The following NOL10 variants were observed in gnomAD, a reference collection of about 807,000 sequenced individuals.
NOL10 encodes H_NH0074G24.1.
In NOL10, 58 loss-of-function variants were observed where a neutral mutation model predicts 103.5. That is an observed-to-expected ratio of 0.56 (90% CI 0.45 to 0.70). The LOEUF is 0.70. NOL10 is among the 30% of genes least tolerant of loss of function. NOL10 has a pLI of 0.00. For missense variants in NOL10, 763 were observed against 807.3 expected (o/e 0.95, Z 0.67); for synonymous variants, 287 against 282.5 (o/e 1.02, Z -0.16).
At chr2:10,689,229 G>A (rs549879443) in intron 1 of NOL10, among the ~76,000 whole-genome samples, 21 of 152,256 alleles carry the variant, frequency 1.4e-4, no homozygotes, top group African/African-American at 4.8e-4. Context: ...TACTAAACAC[G>A]AGAAGATTGG....
intron 8 of NOL10, among the ~76,000 whole-genome samples, chr2:10,666,353 A>AT (rs900943772): frequency 1.3e-3 from 197 of 148,484 alleles, no homozygotes; most frequent in African/African-American, 3.6e-3. Context: ...GTAAACTATC[A>AT]TTTTTTTTTT....
At chr2:10,634,613 T>A in intron 13 of NOL10, 1 of 456,464 alleles carries the variant, frequency 2.2e-6, no homozygotes, top group East Asian at 6.9e-5. Flanking sequence ...AAAGCCTAGT[T>A]ATATAAAGCC....
intron 9 of NOL10, among the ~76,000 whole-genome samples, chr2:10,660,211 C>T (rs570875263): frequency 1.3e-5 from 2 of 152,252 alleles, no homozygotes; most frequent in Admixed American, 6.5e-5. Context: ...GTGGGAACCT[C>T]GAAGCCTCAT....
At chr2:10,675,741 G>T in intron 4 of NOL10, 53 bp downstream of exon 4, 1 of 989,896 alleles carries the variant, frequency 1.0e-6, no homozygotes, top group Non-Finnish European at 1.5e-6. Context: ...AACCAGAAAA[G>T]CAGACAACAT....
At chr2:10,652,471 T>C (rs1453151793) in intron 12 of NOL10, among the ~76,000 whole-genome samples, 1 of 152,248 alleles carries the variant, frequency 6.6e-6, no homozygotes, top group African/African-American at 2.4e-5. Flanking sequence ...AATAAGTTTG[T>C]ATTACAGCAT....
At chr2:10,581,569 G>A (rs1455578206) in intron 19 of NOL10, among the ~76,000 whole-genome samples, 1 of 152,212 alleles carries the variant, frequency 6.6e-6, no homozygotes, top group Middle Eastern at 3.2e-3. Context: ...GCTCATGCCT[G>A]CAATTCCAGC....
chr2:10,674,951 T>C (rs113506081), intron 4 of NOL10, among the ~76,000 whole-genome samples: 3,236 of 152,236 alleles, frequency 0.021, 140 homozygotes, highest in African/African-American at 0.073. Flanking sequence ...TGCCTGGAAT[T>C]CCAGTACTGT....
Position 10,634,939 on chromosome 2 carries a change from G to A in NOL10, c.1026+9381C>T, listed in dbSNP as rs550141204. Among the ~76,000 whole-genome samples, 46 of 152,310 alleles carry A rather than the reference G, an allele frequency of 3.0e-4. No individual in the cohort carries two copies. In the Middle Eastern group the frequency reaches 0.01, roughly 34 times the overall value. The stretch of plus-strand genomic sequence containing the variant: ...GTATGTTCAAGGAGAAAGGGAGGAT[G>A]ACTGTACACGTCTGTCCAGGAAAAG... On this transcript the variant is annotated intron_variant, in intron 13 of 20. Transcript: ENST00000381685.
intron 13 of NOL10, among the ~76,000 whole-genome samples, chr2:10,644,118 C>T (rs1025063141): frequency 2.0e-5 from 3 of 152,074 alleles, no homozygotes; most frequent in Non-Finnish European, 2.9e-5. Flanking sequence ...GGTGTGGTAG[C>T]GTACACCTGT....
intron 19 of NOL10, among the ~76,000 whole-genome samples, chr2:10,587,405 G>A (rs1675169371): frequency 1.3e-5 from 2 of 148,776 alleles, no homozygotes; most frequent in Admixed American, 1.3e-4. Context: ...TGAGTAGCTG[G>A]GACTACAGGC....
In NOL10 at chr2:10,652,316, G is replaced by A. The variant is rs143836056; in HGVS notation, c.973+2165C>T. Among the ~76,000 whole-genome samples the A allele has an allele frequency of 2.2e-3, 326 of 151,554 alleles. 2 individuals carry two copies. The highest frequency in any genetic ancestry group is 7.5e-3 in the African/African-American group (308 of 41,314). ...AACAGGAAGGCTGGGTTCTAAATGA[G>A]GCTCTGCCACACACCAGCTGGGTGA... is the stretch of plus-strand genomic sequence containing the variant. On this transcript the variant is annotated intron_variant, in intron 12 of 20. Transcript: ENST00000381685.
rs1572438756 is a variant in NOL10 at position 10,679,851 on chromosome 2, C to T, written c.211+2120G>A. ...GGGCAGGCTGGTCTCGAACTCCTGGCCTCATGCAATCTGACTGCCTCAGCC... is the reference window on the plus strand; with the variant it reads ...GGGCAGGCTGGTCTCGAACTCCTGGTCTCATGCAATCTGACTGCCTCAGCC... On this transcript the variant is annotated intron_variant, in intron 3 of 20. Transcript: ENST00000381685. Among the ~76,000 whole-genome samples the T allele has an allele frequency of 2.0e-5, 3 of 152,160 alleles. No homozygotes were observed. In the South Asian group the frequency reaches 6.3e-4, roughly 32 times the overall value.
intron 17 of NOL10, among the ~76,000 whole-genome samples, chr2:10,596,268 G>GGGGGGGGGGGGGA (rs1553298216): frequency 3.7e-5 from 3 of 81,428 alleles, no homozygotes; most frequent in Admixed American, 1.5e-4. Context: ...GGGGGCGGGG[G>GGGGGGGGGGGGGA]GCGGGCGCGA....
chr2:10,671,464 A>C, intron 6 of NOL10, 90 bp downstream of exon 6: 1 of 1,089,548 alleles, frequency 9.2e-7, no homozygotes, highest in Non-Finnish European at 1.2e-6. Flanking sequence ...AAAGCAAGTT[A>C]CCTAAACAGA....
At chr2:10,612,891 T>C (rs753666704) in intron 13 of NOL10, among the ~76,000 whole-genome samples, 1 of 151,790 alleles carries the variant, frequency 6.6e-6, no homozygotes, top group Non-Finnish European at 1.5e-5. Flanking sequence ...TAACCAGGTA[T>C]GGTGGCATGT....
rs61737663 is a variant in NOL10, at chr2:10,657,826, G to A, written c.822C>T (p.Pro274=). The A allele has an allele frequency of 3.0e-3, 4,653 of 1,550,710 alleles. 121 individuals are homozygous for A. In the African/African-American group the frequency reaches 0.056, roughly 19 times the overall value. ...LLVKDHQYGL[P]IKSVHFQDSL... Reference sequence around the variant, plus strand: ...AATCCTGGAAATGAACGGACTTAATGGGCAGCCCATACTGGTGATCTTTAA... The same window carrying A: ...AATCCTGGAAATGAACGGACTTAATAGGCAGCCCATACTGGTGATCTTTAA... The change falls in exon 11 of 21, where the codon CCC becomes CCT. Residue 274 remains proline (P), a synonymous_variant. Coordinates refer to ENST00000381685, the MANE Select transcript of NOL10 (RefSeq NM_024894.4).
At chr2:10,597,136 T>TA (rs1231341520) in intron 17 of NOL10, among the ~76,000 whole-genome samples, 3 of 152,212 alleles carry the variant, frequency 2.0e-5, no homozygotes, top group Non-Finnish European at 4.4e-5. Flanking sequence ...CACTCGGCCT[T>TA]AATTGTTAAC....
At chr2:10,620,248 T>A (rs1677059269) in intron 13 of NOL10, among the ~76,000 whole-genome samples, 1 of 152,178 alleles carries the variant, frequency 6.6e-6, no homozygotes, top group Non-Finnish European at 1.5e-5. Context: ...CTTATTGCTT[T>A]CTAATTCTTA....
In NOL10 at chr2:10,571,924, A is replaced by C. The variant is rs1402976708; in HGVS notation, c.*147T>G. On this transcript the variant is annotated 3_prime_UTR_variant, in exon 21 of 21. Transcript: ENST00000381685. ...AGCTTCAAAGTCCAACCCACAAGGC[A>C]CAGGTTTTCAAATCTTTACCTCTGT... is the stretch of plus-strand genomic sequence containing the variant. The C allele has an allele frequency of 1.0e-6, 1 of 966,358 alleles. No individual in the cohort carries two copies. The highest frequency in any genetic ancestry group is 2.7e-5 in the Admixed American group (1 of 37,004). 59.9% of individuals were successfully genotyped at this position (966,358 alleles called of 1,614,324 possible). A position where few individuals can be genotyped will look rare whatever the true frequency, so the allele number is the denominator to read the frequency against.
Sources: allele counts gnomAD v4.1 joint callset (sites outside exome capture counted in the v4.1 genomes callset), GRCh38; gene constraint gnomAD v4.1.1; transcripts MANE v1.5; gene names NCBI Gene and HGNC (gene_info 2026-07-23, HGNC 2026-07-21).